The following GPHN variants were observed in gnomAD, a reference collection of about 807,000 sequenced individuals.
GPHN encodes the protein gephyrin.
GPHN carries 17 observed loss-of-function variants against 95.5 expected under a neutral mutation model. That is an observed-to-expected ratio of 0.18 (90% CI 0.12 to 0.27). The LOEUF (loss-of-function observed/expected upper bound fraction) is 0.27, where lower values mean the gene tolerates loss of function less well. Ranked by LOEUF, GPHN falls within the 10% of genes least tolerant of loss-of-function variation. GPHN has a pLI of 1.00. For synonymous variants in GPHN, 320 were observed against 322.5 expected (o/e 0.99, Z 0.08); for missense variants, 660 against 978.1 (o/e 0.67, Z 4.34).
chr14:67,566,011 C>T, the GPHN span, among the ~76,000 whole-genome samples: 2 of 152,082 alleles, frequency 1.3e-5, no homozygotes, highest in African/African-American at 2.4e-5. Context: ...TCTGGCTGCT[C>T]GGGAGCCTGA....
intron 4 of GPHN, among the ~76,000 whole-genome samples, chr14:66,845,117 G>C (rs2062265557): frequency 6.6e-6 from 1 of 152,004 alleles, no homozygotes; most frequent in Non-Finnish European, 1.5e-5. Context: ...TTTTTTATCA[G>C]TTCACCTGTT....
At chr14:67,385,292 A>G in the GPHN span, 5 of 152,240 alleles carry the variant, frequency 3.3e-5, no homozygotes, top group Admixed American at 2.6e-4. Flanking sequence ...AAGTAAGTTT[A>G]TCCAAATCTT....
At chr14:67,413,719 C>G in the GPHN span, among the ~76,000 whole-genome samples, 1 of 152,218 alleles carries the variant, frequency 6.6e-6, no homozygotes, top group Non-Finnish European at 1.5e-5. Context: ...ATGGCCCACT[C>G]TAGCCTTCTG....
chr14:66,955,620 A>G (rs1244611529), intron 8 of GPHN, among the ~76,000 whole-genome samples: 1 of 152,172 alleles, frequency 6.6e-6, no homozygotes, highest in Non-Finnish European at 1.5e-5. Flanking sequence ...TTACATATGT[A>G]TACATGTGCC....
chr14:67,271,927 T>C, the GPHN span: 2 of 151,734 alleles, frequency 1.3e-5, no homozygotes, highest in Admixed American at 1.3e-4. Flanking sequence ...AAAAATTAGC[T>C]GGGTATGGTG....
chr14:67,456,357 T>C, the GPHN span, among the ~76,000 whole-genome samples: 1 of 152,058 alleles, frequency 6.6e-6, no homozygotes, highest in African/African-American at 2.4e-5. Flanking sequence ...CCCCAGTGCT[T>C]TGGGAGGCTG....
At chr14:66,610,147 T>C (rs2062717430) in intron 1 of GPHN, among the ~76,000 whole-genome samples, 2 of 152,152 alleles carry the variant, frequency 1.3e-5, no homozygotes, top group South Asian at 2.1e-4. Context: ...TACAGGATTT[T>C]TATTTGTGAG....
At chr14:66,975,665 A>G (rs1254079072) in intron 9 of GPHN, among the ~76,000 whole-genome samples, 3 of 152,088 alleles carry the variant, frequency 2.0e-5, no homozygotes, top group Middle Eastern at 3.4e-3. Context: ...GGATCACTGA[A>G]GCCCAGGAGT....
chr14:67,231,112 A>C, the GPHN span, among the ~76,000 whole-genome samples: 1 of 152,120 alleles, frequency 6.6e-6, no homozygotes, highest in Non-Finnish European at 1.5e-5. Context: ...CCTGAAGATG[A>C]GGGGTGGGTG....
intron 4 of GPHN, among the ~76,000 whole-genome samples, chr14:66,835,886 G>A (rs939705493): frequency 2.7e-5 from 4 of 150,648 alleles, no homozygotes; most frequent in Non-Finnish European, 4.4e-5. Context: ...AACTTACAAG[G>A]GATGTGAAGG....
At chr14:67,388,703 G>A in the GPHN span, among the ~76,000 whole-genome samples, 28,146 of 151,696 alleles carry the variant, frequency 0.19, 2,990 homozygotes, top group Non-Finnish European at 0.24. Context: ...TTTTTGAGAC[G>A]GAGTCTCACT....
chr14:66,599,136 A>G (rs1031244364), intron 1 of GPHN, among the ~76,000 whole-genome samples: 4 of 152,122 alleles, frequency 2.6e-5, no homozygotes, highest in Admixed American at 1.3e-4. Flanking sequence ...TTATTAAAAA[A>G]TAGTATTAAT....
At chr14:67,140,094 A>C (rs974875342) in intron 17 of GPHN, among the ~76,000 whole-genome samples, 1 of 152,138 alleles carries the variant, frequency 6.6e-6, no homozygotes, top group Admixed American at 6.5e-5. Context: ...ACATGAAAAT[A>C]ATGAGTAAGG....
At chr14:67,377,943 TAA>T in the GPHN span, among the ~76,000 whole-genome samples, 3 of 141,448 alleles carry the variant, frequency 2.1e-5, no homozygotes. Context: ...CTGCCATCTC[TAA>T]AAAAAAAAAA....
the GPHN span, among the ~76,000 whole-genome samples, chr14:67,194,467 G>A: frequency 6.6e-6 from 1 of 151,894 alleles, no homozygotes; most frequent in Non-Finnish European, 1.5e-5. Flanking sequence ...TGGCCAAAAT[G>A]ATGGCTTCAC....
At chr14:66,968,039 C>A (rs970576982) in intron 9 of GPHN, among the ~76,000 whole-genome samples, 1 of 151,890 alleles carries the variant, frequency 6.6e-6, no homozygotes, top group African/African-American at 2.4e-5. Flanking sequence ...AATATCTGTT[C>A]TTTTTTATTT....
chr14:67,405,657 T>C, the GPHN span, among the ~76,000 whole-genome samples: 2 of 152,220 alleles, frequency 1.3e-5, no homozygotes, highest in Non-Finnish European at 2.9e-5. Flanking sequence ...ATAAAGGTCT[T>C]CTGAGGCTTC....
chr14:67,222,910 G>A, the GPHN span, among the ~76,000 whole-genome samples: 1 of 151,000 alleles, frequency 6.6e-6, no homozygotes. Flanking sequence ...TTAGTCACAC[G>A]TACAAGAGTC....
the GPHN span, among the ~76,000 whole-genome samples, chr14:67,375,988 T>A: frequency 6.6e-6 from 1 of 152,222 alleles, no homozygotes; most frequent in African/African-American, 2.4e-5. Flanking sequence ...ATACTTTTTG[T>A]CTACACCCTG....
Sources: gnomAD v4.1 joint callset for allele counts (sites outside exome capture counted in the v4.1 genomes callset) on GRCh38, gnomAD v4.1.1 for gene constraint, MANE v1.5 for transcripts, NCBI Gene and HGNC (gene_info 2026-07-23, HGNC 2026-07-21) for gene names.